The following ANKFN1 variants were observed in gnomAD, a reference collection of about 807,000 sequenced individuals.
ANKFN1 encodes the protein ankyrin repeat and fibronectin type-III domain-containing protein 1.
ANKFN1 carries 74 observed loss-of-function variants against 108.7 expected under a neutral mutation model. The observed-to-expected ratio is 0.68, with a 90% CI of 0.56 to 0.83. The LOEUF (loss-of-function observed/expected upper bound fraction) is 0.83. ANKFN1 is among the 40% of genes least tolerant of loss of function. The pLI is 0.00. For synonymous variants in ANKFN1, 547 were observed against 516.2 expected (o/e 1.06, Z -0.81); for missense variants, 1,505 against 1,382.3 (o/e 1.09, Z -1.41).
rs2051060593 is a variant in ANKFN1, at chr17:56,492,175, T to A, written c.2261-12T>A. ...ATCTTAACATGTTTTATTTTGCTTG[T>A]CCATTTTCCAGTTCATTTTTGCAGC... On this transcript the variant is annotated splice_polypyrimidine_tract_variant and intron_variant, in intron 18 of 20. Transcript: ENST00000682825. 1 of 692,674 alleles carries A rather than the reference T, an allele frequency of 1.4e-6. No individual in the cohort carries two copies. The highest frequency in any genetic ancestry group is 1.8e-5 in the African/African-American group (1 of 57,088). 42.9% of individuals were successfully genotyped at this position (692,674 alleles called of 1,614,324 possible). A position where few individuals can be genotyped will look rare whatever the true frequency, so the allele number is the denominator to read the frequency against.
intron 2 of ANKFN1, among the ~76,000 whole-genome samples, chr17:56,221,535 T>G (rs1366125834): frequency 1.3e-5 from 2 of 152,184 alleles, no homozygotes; most frequent in Non-Finnish European, 2.9e-5. Context: ...TAGCCAGATA[T>G]AAGTGTATAC....
At chr17:56,172,138 T>C (rs763742141) in intron 1 of ANKFN1, among the ~76,000 whole-genome samples, 3 of 152,322 alleles carry the variant, frequency 2.0e-5, no homozygotes, top group Middle Eastern at 3.4e-3. Flanking sequence ...TTATCCTCAC[T>C]TTATGAATGA....
intron 4 of ANKFN1, among the ~76,000 whole-genome samples, chr17:56,092,950 C>T (rs1905448360): frequency 6.6e-6 from 1 of 151,192 alleles, no homozygotes; most frequent in African/African-American, 2.4e-5. Flanking sequence ...TGCCTGCAGC[C>T]AGAGAAAACA....
chr17:56,081,737 A>T (rs974493990), intron 4 of ANKFN1, among the ~76,000 whole-genome samples: 2 of 152,144 alleles, frequency 1.3e-5, no homozygotes, highest in Non-Finnish European at 2.9e-5. Context: ...AGCTGCCTGC[A>T]TGCTTGGTGG....
At chr17:56,208,043 C>T (rs528988011) in intron 1 of ANKFN1, among the ~76,000 whole-genome samples, 12 of 152,316 alleles carry the variant, frequency 7.9e-5, no homozygotes, top group African/African-American at 2.6e-4. Context: ...GTCTCACTTG[C>T]TCTGCACCCA....
At chr17:56,240,335 T>G (rs1917484888) in intron 3 of ANKFN1, among the ~76,000 whole-genome samples, 1 of 152,146 alleles carries the variant, frequency 6.6e-6, no homozygotes, top group Non-Finnish European at 1.5e-5. Context: ...GTCAACATTA[T>G]GTTTTTGAGA....
intron 1 of ANKFN1, among the ~76,000 whole-genome samples, chr17:56,208,434 C>T: frequency 6.6e-6 from 1 of 152,174 alleles, no homozygotes; most frequent in East Asian, 1.9e-4. Context: ...CTCCCTGCCC[C>T]TCAAAATCCT....
intron 4 of ANKFN1, among the ~76,000 whole-genome samples, chr17:56,339,428 T>C (rs1192902561): frequency 6.6e-6 from 1 of 152,116 alleles, no homozygotes; most frequent in African/African-American, 2.4e-5. Flanking sequence ...CTAGTACCCA[T>C]TAGTTGTTTT....
chr17:56,411,087 A>G (rs2048076757), intron 8 of ANKFN1, among the ~76,000 whole-genome samples: 1 of 152,204 alleles, frequency 6.6e-6, no homozygotes, highest in Admixed American at 6.5e-5. Flanking sequence ...GAATCTGTAA[A>G]TCACTTCAGG....
chr17:56,237,428 G>A (rs540621567), intron 3 of ANKFN1, among the ~76,000 whole-genome samples: 7 of 152,092 alleles, frequency 4.6e-5, no homozygotes, highest in South Asian at 2.1e-4. Flanking sequence ...TTCTTTAATC[G>A]GTAGGCTATT....
chr17:56,196,744 GA>G (rs896712958), intron 1 of ANKFN1, among the ~76,000 whole-genome samples: 1 of 151,818 alleles, frequency 6.6e-6, no homozygotes, highest in Non-Finnish European at 1.5e-5. Flanking sequence ...CTGTCACAAA[GA>G]AAAAAACAAA....
At chr17:56,172,098 ACT>A (rs1375052713) in intron 1 of ANKFN1, among the ~76,000 whole-genome samples, 1 of 152,108 alleles carries the variant, frequency 6.6e-6, no homozygotes, top group Admixed American at 6.5e-5. Context: ...TTTATTTTAT[ACT>A]CTCTGCTTTT....
chr17:56,109,616 G>A (rs1219837184), intron 4 of ANKFN1, among the ~76,000 whole-genome samples: 1 of 152,254 alleles, frequency 6.6e-6, no homozygotes, highest in Non-Finnish European at 1.5e-5. Flanking sequence ...ACAGAACACC[G>A]GCAATGAAAT....
exon 4 of ANKFN1, chr17:56,046,165 T>C (rs1156846987): frequency 6.6e-6 from 1 of 152,506 alleles, no homozygotes; most frequent in African/African-American, 2.4e-5. Flanking sequence ...TCGGTGTTCA[T>C]CTGGGGAATC....
At position 56,410,150 on chromosome 17, in the gene ANKFN1, A is replaced by G. The variant is rs888499834; in HGVS notation, c.911-30177A>G. Among the ~76,000 whole-genome samples, 29 of 152,312 alleles carry G rather than the reference A, an allele frequency of 1.9e-4. 1 individual carries two copies. Among genetic ancestry groups the G allele is most frequent in the African/African-American group, 6.5e-4 (27 of 41,582 alleles). ...CACCAGGCTGGAGTGCAGTGGCGCT[A>G]TCTCGGCTCACTGCAACCTCCACCT... On this transcript the variant is annotated intron_variant, in intron 8 of 20. Transcript: ENST00000682825.
chr17:56,223,362 G>A (rs1916018387), intron 2 of ANKFN1, among the ~76,000 whole-genome samples: 1 of 152,066 alleles, frequency 6.6e-6, no homozygotes, highest in African/African-American at 2.4e-5. Context: ...TTTTCTAAAT[G>A]TTTGATAATG....
intron 1 of ANKFN1, among the ~76,000 whole-genome samples, chr17:56,211,409 A>T (rs538534095): frequency 5.9e-5 from 9 of 152,186 alleles, no homozygotes; most frequent in African/African-American, 1.9e-4. Context: ...GATCTGGTGA[A>T]CGTAAGTATT....
intron 4 of ANKFN1, among the ~76,000 whole-genome samples, chr17:56,136,488 T>C (rs756081129): frequency 5.3e-5 from 8 of 152,204 alleles, no homozygotes; most frequent in African/African-American, 1.9e-4. Context: ...CTGGGAAGAA[T>C]GTATTTGGCA....
chr17:56,255,268 C>T (rs919821780), intron 3 of ANKFN1, among the ~76,000 whole-genome samples: 1 of 152,138 alleles, frequency 6.6e-6, no homozygotes, highest in African/African-American at 2.4e-5. Context: ...AGATTGGTGG[C>T]TTGGGATGCA....
Sources: allele counts gnomAD v4.1 joint callset (sites outside exome capture counted in the v4.1 genomes callset), GRCh38; gene constraint gnomAD v4.1.1; transcripts MANE v1.5; gene names NCBI Gene and HGNC (gene_info 2026-07-23, HGNC 2026-07-21).